P2RX5: variants seen among roughly 807,000 people sequenced by gnomAD.
The protein encoded by P2RX5 is P2X purinoceptor 5.
P2RX5 carries 46 observed loss-of-function variants against 54.1 expected under a neutral mutation model. The ratio of observed to expected loss-of-function variants is 0.85; its 90% CI spans 0.67 to 1.09. The LOEUF is 1.09. Among genes scored for constraint, P2RX5 ranks in the 50% least tolerant of loss-of-function variants. The pLI, the probability that P2RX5 is intolerant of heterozygous loss-of-function variation, is 0.00. For synonymous variants in P2RX5, 226 were observed against 226.4 expected (o/e 1.00, Z 0.02); for missense variants, 566 against 549.8 (o/e 1.03, Z -0.29).
intron 11 of P2RX5, among the ~76,000 whole-genome samples, chr17:3,678,840 C>T (rs1427103692): frequency 6.6e-6 from 1 of 152,220 alleles, no homozygotes; most frequent in Non-Finnish European, 1.5e-5. Context: ...ACAGAAAGGG[C>T]CAGGCACCTG....
At chr17:3,676,520 A>G in intron 11 of P2RX5, 3 of 985,240 alleles carry the variant, frequency 3.0e-6, no homozygotes, top group Non-Finnish European at 3.6e-6. Flanking sequence ...AGCTGAGCAT[A>G]CTGCTGCTTT....
intron 9 of P2RX5, chr17:3,682,241 A>G (rs1250616046): frequency 2.2e-5 from 11 of 504,166 alleles, no homozygotes; most frequent in African/African-American, 3.9e-5. Flanking sequence ...GACCCCATCC[A>G]ATCGTTCCTT....
At chr17:3,706,566 G>A in the P2RX5 span, among the ~76,000 whole-genome samples, 48 of 151,652 alleles carry the variant, frequency 3.2e-4, 1 homozygote, top group Middle Eastern at 3.4e-3. Flanking sequence ...CACAGGGTGC[G>A]GCTCCCACAT....
At chr17:3,717,843 G>A in the P2RX5 span, 2 of 151,020 alleles carry the variant, frequency 1.3e-5, no homozygotes, top group African/African-American at 5.0e-5. Flanking sequence ...AACAAAGAGG[G>A]AGGAAGAACA....
chr17:3,694,590 A>C (rs2050705958), intron 1 of P2RX5, among the ~76,000 whole-genome samples: 1 of 152,216 alleles, frequency 6.6e-6, no homozygotes. Context: ...GAGGGTGGCC[A>C]TCTGCAAGCC....
chr17:3,699,876 AG>A (rs1567744285), upstream of P2RX5, among the ~76,000 whole-genome samples: 1,620 of 35,538 alleles, frequency 0.046, 70 homozygotes, highest in South Asian at 0.064. Context: ...AAAGAAAGAA[AG>A]GAAGGAAGGA....
chr17:3,696,033 C>A lies in P2RX5; in HGVS notation c.-28G>T, dbSNP rs200475578. 6.2e-7 allele frequency: 1 copy of A among 1,611,768 alleles called. No individual in the cohort carries two copies. The highest frequency in any genetic ancestry group is 1.7e-5 in the Admixed American group (1 of 59,924). Reference sequence around the variant, plus strand: ...CGCGCTCTCAGCCGGGCTTGCGGACCGCCCGGCCCACGTGCGCTCATGGGG... The same window carrying A: ...CGCGCTCTCAGCCGGGCTTGCGGACAGCCCGGCCCACGTGCGCTCATGGGG... On this transcript the variant is annotated 5_prime_UTR_variant, in exon 1 of 12. Coordinates refer to ENST00000225328, the MANE Select transcript of P2RX5 (RefSeq NM_002561.4).
At position 3,673,956 on chromosome 17, in the gene P2RX5, G is replaced by C. The variant is rs369452286; in HGVS notation, c.1260-79C>G. 1.8e-3 allele frequency: 2,365 copies of C among 1,288,032 alleles called. 51 individuals carry two copies. In the South Asian group the frequency reaches 0.028, roughly 15 times the overall value. The allele number at this position is 1,288,032 out of a possible 1,614,324, so 79.8% of individuals were successfully genotyped here. On this transcript the variant is annotated intron_variant, in intron 11 of 11. Coordinates refer to ENST00000225328, the MANE Select transcript of P2RX5 (RefSeq NM_002561.4). Reference sequence around the variant, plus strand: ...CAGTGAGGCAACCAGTGCCCAGGGAGAAGGGCCTTCCCAAGTCTGAAAAGA... The same window carrying C: ...CAGTGAGGCAACCAGTGCCCAGGGACAAGGGCCTTCCCAAGTCTGAAAAGA...
At chr17:3,682,230 G>A (rs1036136454) in intron 9 of P2RX5, 11 of 528,512 alleles carry the variant, frequency 2.1e-5, no homozygotes, top group East Asian at 3.4e-5. Flanking sequence ...CGCACCACCC[G>A]GACCCCATCC....
intron 1 of P2RX5, among the ~76,000 whole-genome samples, chr17:3,692,766 TG>T (rs2050653603): frequency 2.6e-5 from 4 of 152,140 alleles, no homozygotes; most frequent in South Asian, 4.2e-4. Context: ...CCCTCGAGCC[TG>T]GGAGGTCGAG....
Position 3,673,476 on chromosome 17 carries a change from C to T in P2RX5, c.*392G>A. The T allele has an allele frequency of 8.9e-7, 1 of 1,120,842 alleles. No homozygotes were observed. The allele number at this position is 1,120,842 out of a possible 1,614,324, so 69.4% of individuals were successfully genotyped here. ...GGCTGGAACCAAATGGAGCCCTTTT[C>T]CGGACACGCACAATGCTATTCCCAG... On this transcript the variant is annotated 3_prime_UTR_variant, in exon 12 of 12. Transcript: ENST00000225328.
At chr17:3,703,287 T>C in the P2RX5 span, among the ~76,000 whole-genome samples, 6 of 152,188 alleles carry the variant, frequency 3.9e-5, no homozygotes, top group Non-Finnish European at 8.8e-5. Context: ...AGAGGATCAC[T>C]TGACCCCAGG....
chr17:3,704,387 T>C, the P2RX5 span, among the ~76,000 whole-genome samples: 1 of 152,262 alleles, frequency 6.6e-6, no homozygotes, highest in East Asian at 1.9e-4. Flanking sequence ...CGGGAAGAGT[T>C]TCACCAAGAG....
rs1157240516 is a variant in P2RX5, at chr17:3,673,645, G to A, written c.*223C>T. On this transcript the variant is annotated 3_prime_UTR_variant, in exon 12 of 12. Transcript: ENST00000225328. The stretch of plus-strand genomic sequence containing the variant: ...GGAGAAAGGAAGAACTGACGGCAGG[G>A]GGTGGGGCAAAAAGACAGCCATGAT... 1.6e-5 allele frequency: 23 copies of A among 1,440,584 alleles called. No homozygotes were observed. Among genetic ancestry groups the A allele is most frequent in the Non-Finnish European group, 2.1e-5 (23 of 1,098,186 alleles). The allele number at this position is 1,440,584 out of a possible 1,614,324, so 89.2% of individuals were successfully genotyped here.
intron 1 of P2RX5, chr17:3,692,141 C>CA (rs11419514): frequency 0.65 from 93,543 of 143,140 alleles, 31,827 homozygotes; most frequent in Admixed American, 0.74. Flanking sequence ...TGTCTCTACT[C>CA]AAAAAAAAAA....
chr17:3,723,256 A>G, the P2RX5 span: 1 of 1,397,812 alleles, frequency 7.2e-7, no homozygotes, highest in Non-Finnish European at 1.0e-6. Flanking sequence ...GCAACTGGAT[A>G]ATCAAATCTG....
chr17:3,710,227 G>C, the P2RX5 span, among the ~76,000 whole-genome samples: 1 of 151,918 alleles, frequency 6.6e-6, no homozygotes. Context: ...GGGAGTTCAA[G>C]ACCAGCCTGG....
At chr17:3,674,633 CAA>C (rs1478940337) in intron 11 of P2RX5, among the ~76,000 whole-genome samples, 3 of 152,224 alleles carry the variant, frequency 2.0e-5, no homozygotes, top group African/African-American at 7.2e-5. Context: ...CTTCATTAAA[CAA>C]AAGCCTCACC....
chr17:3,723,189 G>T, the P2RX5 span: 1 of 855,200 alleles, frequency 1.2e-6, no homozygotes, highest in Non-Finnish European at 2.0e-6. Flanking sequence ...GATCTATTTT[G>T]GACATGGACA....
Sources: allele counts gnomAD v4.1 joint callset (sites outside exome capture counted in the v4.1 genomes callset), GRCh38; gene constraint gnomAD v4.1.1; transcripts MANE v1.5; gene names NCBI Gene and HGNC (gene_info 2026-07-23, HGNC 2026-07-21).